TRPM3: variants seen among roughly 807,000 people sequenced by gnomAD.
The protein encoded by TRPM3 is transient receptor potential cation channel subfamily M member 3.
A neutral mutation model predicts 181.2 loss-of-function variants in TRPM3; 77 were observed. The ratio of observed to expected loss-of-function variants is 0.42; its 90% confidence interval spans 0.35 to 0.51. The LOEUF is 0.51. Ranked by LOEUF, TRPM3 falls within the 20% of genes least tolerant of loss-of-function variation. The pLI is 0.01. For missense variants in TRPM3, 1,759 were observed against 2,196.7 expected (o/e 0.80, Z 3.98); for synonymous variants, 745 against 796.4 (o/e 0.94, Z 1.09).
At chr9:70,573,228 T>TGA (rs1202922861) in intron 22 of TRPM3, among the ~76,000 whole-genome samples, 1 of 152,188 alleles carries the variant, frequency 6.6e-6, no homozygotes, top group African/African-American at 2.4e-5. Context: ...GAGGCTCAAA[T>TGA]ACAATGAGGA....
chr9:71,373,219 A>G (rs2092573933), intron 1 of TRPM3, among the ~76,000 whole-genome samples: 1 of 152,092 alleles, frequency 6.6e-6, no homozygotes, highest in Admixed American at 6.5e-5. Flanking sequence ...AGAAACATAG[A>G]ACCAAGAGCC....
chr9:70,619,910 T>C (rs2063380765), intron 16 of TRPM3, among the ~76,000 whole-genome samples, 166 bp downstream of exon 16: 1 of 152,192 alleles, frequency 6.6e-6, no homozygotes, highest in South Asian at 2.1e-4. Flanking sequence ...CCACCATCTG[T>C]GGCACTGTGC....
rs1041592837 is a variant in TRPM3, at chr9:71,434,027, C to T, written c.183+12626G>A. Among the ~76,000 whole-genome samples, 11 of 152,096 alleles carry T rather than the reference C, an allele frequency of 7.2e-5. No homozygotes were observed. The East Asian group carries it at 7.7e-4, about 11-fold the overall frequency. Reference sequence around the variant, plus strand: ...GAAAAAAATTAGCCAGGCGTGGTGGCGCGCACCTGTAGTCCCAGCTACTCA... The same window carrying T: ...GAAAAAAATTAGCCAGGCGTGGTGGTGCGCACCTGTAGTCCCAGCTACTCA... On this transcript the variant is annotated intron_variant, in intron 1 of 24. Transcript: ENST00000357533.
Position 70,532,952 on chromosome 9 carries a change from A to C in TRPM3, c.*3001T>G, listed in dbSNP as rs997928119. Reference sequence around the variant, plus strand: ...GAAATGGAAGGAAATGGACTGAAAAATAACACACATACATGTGCACAGGAA... The same window carrying C: ...GAAATGGAAGGAAATGGACTGAAAACTAACACACATACATGTGCACAGGAA... On this transcript the variant is annotated 3_prime_UTR_variant, in exon 26 of 26. Coordinates refer to ENST00000677713, the MANE Select transcript of TRPM3 (RefSeq NM_001366145.2). 6.6e-6 allele frequency: 1 copy of C among 152,250 alleles called. No homozygotes were observed. The highest frequency in any genetic ancestry group is 1.5e-5 in the Non-Finnish European group (1 of 68,058). 9.4% of individuals were successfully genotyped at this position (152,250 alleles called of 1,614,324 possible). A position where few individuals can be genotyped will look rare whatever the true frequency, so the allele number is the denominator to read the frequency against.
intron 1 of TRPM3, among the ~76,000 whole-genome samples, chr9:71,167,719 A>T (rs6560181): frequency 0.67 from 101,387 of 151,904 alleles, 34,279 homozygotes; most frequent in African/African-American, 0.77. Flanking sequence ...GCTCTTTTTT[A>T]AAAAAAAGTT....
At chr9:70,816,707 A>T (rs765887801) in intron 6 of TRPM3, among the ~76,000 whole-genome samples, 15 of 152,248 alleles carry the variant, frequency 9.9e-5, no homozygotes, top group Non-Finnish European at 1.6e-4. Context: ...TTACGAAATG[A>T]TGTGTAACAA....
chr9:71,134,380 C>T (rs941822352), intron 1 of TRPM3, among the ~76,000 whole-genome samples: 91 of 151,886 alleles, frequency 6.0e-4, no homozygotes, highest in African/African-American at 2.1e-3. Flanking sequence ...GGTGAAACCC[C>T]ATCTCTACTA....
intron 22 of TRPM3, among the ~76,000 whole-genome samples, chr9:70,560,313 T>C (rs1488272552): frequency 6.6e-6 from 1 of 152,104 alleles, no homozygotes; most frequent in East Asian, 1.9e-4. Flanking sequence ...GAAGATACAA[T>C]TACAAATAAA....
chr9:70,929,492 G>A (rs926580659), intron 1 of TRPM3, among the ~76,000 whole-genome samples: 4 of 151,906 alleles, frequency 2.6e-5, no homozygotes, highest in East Asian at 1.9e-4. Flanking sequence ...GTGACCCACC[G>A]GCCTTTTTAA....
At chr9:71,258,357 C>A (rs976386063) in intron 1 of TRPM3, among the ~76,000 whole-genome samples, 1 of 152,160 alleles carries the variant, frequency 6.6e-6, no homozygotes, top group Admixed American at 6.5e-5. Context: ...CTGGACCTGG[C>A]CATACTTCCT....
chr9:71,142,685 C>T (rs975612813), intron 1 of TRPM3, among the ~76,000 whole-genome samples: 1 of 152,066 alleles, frequency 6.6e-6, no homozygotes, highest in African/African-American at 2.4e-5. Context: ...TTACTTTATA[C>T]TGACAATTTA....
At chr9:70,961,175 G>C (rs2097133003) in intron 1 of TRPM3, among the ~76,000 whole-genome samples, 1 of 152,152 alleles carries the variant, frequency 6.6e-6, no homozygotes, top group Admixed American at 6.5e-5. Flanking sequence ...CGTAGACAGA[G>C]GTTGGAGCAA....
At chr9:70,922,977 A>C (rs2096673309) in intron 1 of TRPM3, among the ~76,000 whole-genome samples, 1 of 152,180 alleles carries the variant, frequency 6.6e-6, no homozygotes, top group Admixed American at 6.5e-5. Context: ...AAACAGTGTA[A>C]TTGATCCACG....
chr9:71,401,361 A>G (rs1205841037), intron 1 of TRPM3, among the ~76,000 whole-genome samples: 1 of 152,156 alleles, frequency 6.6e-6, no homozygotes, highest in Non-Finnish European at 1.5e-5. Context: ...GCAACTGGAA[A>G]ATCTCAGAGG....
chr9:70,540,670 A>G (rs1038932422), intron 25 of TRPM3, among the ~76,000 whole-genome samples: 1 of 152,228 alleles, frequency 6.6e-6, no homozygotes, highest in Non-Finnish European at 1.5e-5. Flanking sequence ...CCAGCACTAC[A>G]GACAGCCTGG....
At chr9:71,335,808 T>C (rs1343898226) in intron 1 of TRPM3, among the ~76,000 whole-genome samples, 1 of 152,192 alleles carries the variant, frequency 6.6e-6, no homozygotes, top group Non-Finnish European at 1.5e-5. Context: ...CAAACAGTTT[T>C]ATACTTCAAT....
At chr9:71,223,388 T>C (rs906314003) in intron 1 of TRPM3, among the ~76,000 whole-genome samples, 2 of 152,154 alleles carry the variant, frequency 1.3e-5, no homozygotes, top group Non-Finnish European at 2.9e-5. Flanking sequence ...AGGCCCTGAA[T>C]AACCAGCAGC....
intron 1 of TRPM3, among the ~76,000 whole-genome samples, chr9:70,935,394 T>C (rs1368381202): frequency 6.6e-6 from 1 of 152,168 alleles, no homozygotes; most frequent in East Asian, 1.9e-4. Flanking sequence ...ATGAATGCTG[T>C]TGGATGAAGT....
chr9:70,738,440 G>A (rs760555148), intron 8 of TRPM3, among the ~76,000 whole-genome samples: 3 of 151,976 alleles, frequency 2.0e-5, no homozygotes, highest in Non-Finnish European at 4.4e-5. Flanking sequence ...ATTCTTTAAA[G>A]TGAATAATAG....
Sources: allele counts gnomAD v4.1 joint callset (sites outside exome capture counted in the v4.1 genomes callset), GRCh38; gene constraint gnomAD v4.1.1; transcripts MANE v1.5; gene names NCBI Gene and HGNC (gene_info 2026-07-23, HGNC 2026-07-21).